Variants in XKR9 observed in about 807,000 individuals in gnomAD.
The protein encoded by XKR9 is XK-related protein 9.
A neutral mutation model predicts 32.0 loss-of-function variants in XKR9; 32 were observed. The ratio of observed to expected loss-of-function variants is 1.00; its 90% CI spans 0.76 to 1.34. XKR9 has a LOEUF of 1.34. XKR9 is among the 40% of genes most tolerant of loss of function. XKR9 has a pLI of 0.00. For missense variants in XKR9, 546 were observed against 429.7 expected (o/e 1.27, Z -2.39); for synonymous variants, 168 against 143.4 (o/e 1.17, Z -1.22).
chr8:70,817,902 C>T, the XKR9 span, among the ~76,000 whole-genome samples: 1 of 152,128 alleles, frequency 6.6e-6, no homozygotes, highest in African/African-American at 2.4e-5. Flanking sequence ...TGATAACTGG[C>T]TAGCCATATG....
chr8:70,790,310 A>C (rs887077527), exon 4 of XKR9: 2 of 152,094 alleles, frequency 1.3e-5, no homozygotes, highest in Non-Finnish European at 2.9e-5. Flanking sequence ...ATTTATATGA[A>C]AATGTGCCTT....
the XKR9 span, among the ~76,000 whole-genome samples, chr8:70,957,323 T>G: frequency 2.6e-5 from 4 of 152,208 alleles, no homozygotes; most frequent in Admixed American, 2.6e-4. Context: ...ATTATTTACT[T>G]ATCACCTACT....
the XKR9 span, among the ~76,000 whole-genome samples, chr8:70,966,797 G>A: frequency 6.6e-6 from 1 of 152,040 alleles, no homozygotes; most frequent in Non-Finnish European, 1.5e-5. Context: ...ATGAATCTAG[G>A]TGCTCCTGTA....
Position 70,691,719 on chromosome 8 carries a change from G to A in XKR9, c.272+10389G>A, listed in dbSNP as rs77274514. On this transcript the variant is annotated intron_variant, in intron 3 of 4. Coordinates refer to ENST00000408926, the MANE Select transcript of XKR9 (RefSeq NM_001011720.2). Reference sequence around the variant, plus strand: ...TGTCAGCTTTGTCAACGATCAGATAGTCAAAGATATGTGGCCTTATTTTGG... The same window carrying A: ...TGTCAGCTTTGTCAACGATCAGATAATCAAAGATATGTGGCCTTATTTTGG... Among the ~76,000 whole-genome samples the A allele has an allele frequency of 5.9e-3, 892 of 152,180 alleles. 12 individuals are homozygous for A. Among genetic ancestry groups the A allele is most frequent in the African/African-American group, 0.021 (852 of 41,510 alleles).
the XKR9 span, among the ~76,000 whole-genome samples, chr8:70,896,488 G>A: frequency 6.6e-6 from 1 of 150,638 alleles, no homozygotes; most frequent in Non-Finnish European, 1.5e-5. Flanking sequence ...GTCGTTTGTA[G>A]TATTATTATC....
chr8:70,708,343 TC>T (rs1805793734), intron 4 of XKR9, among the ~76,000 whole-genome samples: 2 of 152,112 alleles, frequency 1.3e-5, no homozygotes, highest in Non-Finnish European at 2.9e-5. Flanking sequence ...ACCTATGAGA[TC>T]CAGCTATCTT....
At chr8:70,947,514 G>T in the XKR9 span, among the ~76,000 whole-genome samples, 1 of 152,144 alleles carries the variant, frequency 6.6e-6, no homozygotes, top group Non-Finnish European at 1.5e-5. Context: ...CTAAGTAATT[G>T]CAAAAAGGCA....
Position 70,741,124 on chromosome 8 carries a change from A to C in XKR9, n.352+33971A>C, listed in dbSNP as rs367566561. Among the ~76,000 whole-genome samples the C allele has an allele frequency of 3.6e-4, 55 of 152,366 alleles. No individual in the cohort carries two copies. In the East Asian group the frequency reaches 7.3e-3, roughly 20 times the overall value. On this transcript the variant is annotated intron_variant and non_coding_transcript_variant, in intron 2 of 3. Coordinates refer to the XKR9 transcript ENST00000520273. Reference sequence around the variant, plus strand: ...CCTTGAGCTGTGGTGGGTTCCACCCAGTTCGAGCATCTGGGCTGCTTTGTT... The same window carrying C: ...CCTTGAGCTGTGGTGGGTTCCACCCCGTTCGAGCATCTGGGCTGCTTTGTT...
chr8:70,862,976 C>T, the XKR9 span, among the ~76,000 whole-genome samples: 1 of 152,096 alleles, frequency 6.6e-6, no homozygotes, highest in Non-Finnish European at 1.5e-5. Context: ...CTAGTGTATG[C>T]AGAGGTCCTG....
chr8:71,037,152 G>A, the XKR9 span, among the ~76,000 whole-genome samples: 4 of 152,132 alleles, frequency 2.6e-5, no homozygotes, highest in East Asian at 7.7e-4. Flanking sequence ...ATTCCAGAAG[G>A]TGGCTTTTTC....
chr8:70,781,158 A>G (rs1299933474), intron 2 of XKR9: 2 of 152,110 alleles, frequency 1.3e-5, no homozygotes. Context: ...TTTCTTTAGC[A>G]ACTAACAATA....
chr8:71,045,931 G>T, the XKR9 span, among the ~76,000 whole-genome samples: 1 of 152,082 alleles, frequency 6.6e-6, no homozygotes, highest in Non-Finnish European at 1.5e-5. Context: ...CGTGGGAGTC[G>T]GGAGGAGATG....
the XKR9 span, among the ~76,000 whole-genome samples, chr8:70,982,654 C>T: frequency 2.0e-5 from 3 of 152,168 alleles, no homozygotes; most frequent in Non-Finnish European, 4.4e-5. Flanking sequence ...AGGTTTTCAG[C>T]ATCTCAGGAA....
the XKR9 span, among the ~76,000 whole-genome samples, chr8:70,884,598 G>C: frequency 1.3e-5 from 2 of 152,062 alleles, no homozygotes; most frequent in African/African-American, 2.4e-5. Flanking sequence ...AAATTATTTT[G>C]CTTGTGGATG....
chr8:71,038,803 AT>A, the XKR9 span, among the ~76,000 whole-genome samples: 2,399 of 119,242 alleles, frequency 0.02, 55 homozygotes, highest in African/African-American at 0.067. Flanking sequence ...TTGGATGCTG[AT>A]TTTTTTTTTT....
At chr8:70,691,954 T>C (rs1805084729) in intron 3 of XKR9, among the ~76,000 whole-genome samples, 1 of 152,168 alleles carries the variant, frequency 6.6e-6, no homozygotes, top group African/African-American at 2.4e-5. Flanking sequence ...GTGAGGAATG[T>C]CATTGGTAGT....
chr8:70,695,959 G>C (rs1230194058), intron 3 of XKR9, among the ~76,000 whole-genome samples: 3 of 151,786 alleles, frequency 2.0e-5, no homozygotes, highest in African/African-American at 7.2e-5. Context: ...TGTGTTTTTT[G>C]GTTGCATAAA....
At chr8:70,930,800 T>C in the XKR9 span, among the ~76,000 whole-genome samples, 3 of 152,302 alleles carry the variant, frequency 2.0e-5, no homozygotes, top group East Asian at 3.9e-4. Flanking sequence ...TAGCAGTGTC[T>C]ATCTAATGGC....
At chr8:70,745,789 A>G (rs1345596155) in intron 2 of XKR9, among the ~76,000 whole-genome samples, 1 of 152,180 alleles carries the variant, frequency 6.6e-6, no homozygotes, top group East Asian at 1.9e-4. Context: ...AAGCCAGGAG[A>G]ACACCAAAGC....
Sources: gnomAD v4.1 joint callset for allele counts (sites outside exome capture counted in the v4.1 genomes callset) on GRCh38, gnomAD v4.1.1 for gene constraint, MANE v1.5 for transcripts, NCBI Gene and HGNC (gene_info 2026-07-23, HGNC 2026-07-21) for gene names.